Variants in RALGPS2 observed in about 807,000 individuals in gnomAD.
The protein encoded by RALGPS2 is Ral GEF with PH domain and SH3 binding motif 2, also known as ras-specific guanine nucleotide-releasing factor RalGPS2.
Under a neutral mutation model 86.8 loss-of-function variants are expected in RALGPS2, and 43 were observed. The ratio of observed to expected loss-of-function variants is 0.50; its 90% confidence interval spans 0.39 to 0.64. The LOEUF (loss-of-function observed/expected upper bound fraction) is 0.64, where lower values mean the gene tolerates loss of function less well. Among genes scored for constraint, RALGPS2 ranks in the 30% least tolerant of loss-of-function variants. The pLI, the probability that RALGPS2 is intolerant of heterozygous loss-of-function variation, is 0.00. For missense variants in RALGPS2, 536 were observed against 694.6 expected (o/e 0.77, Z 2.57); for synonymous variants, 243 against 231.3 (o/e 1.05, Z -0.46).
At chr1:178,915,033 TAGTG>T (rs1660758940) in intron 19 of RALGPS2, among the ~76,000 whole-genome samples, 4 of 151,950 alleles carry the variant, frequency 2.6e-5, no homozygotes, top group African/African-American at 9.6e-5. Flanking sequence ...TTTACTGTAT[TAGTG>T]AGTATTTCTG....
chr1:178,821,795 T>A, intron 7 of RALGPS2, 91 bp downstream of exon 7: 1 of 993,930 alleles, frequency 1.0e-6, no homozygotes, highest in East Asian at 2.6e-5. Flanking sequence ...TTAAAGTTAA[T>A]ATAATGATAA....
intron 7 of RALGPS2, among the ~76,000 whole-genome samples, chr1:178,827,382 A>G (rs1050048092): frequency 4.0e-5 from 6 of 150,764 alleles, no homozygotes; most frequent in Non-Finnish European, 8.8e-5. Flanking sequence ...TAGAGACATC[A>G]TACTCTCTGA....
Position 178,885,989 on chromosome 1 carries a change from C to G in RALGPS2, c.1061C>G (p.Thr354Arg). 1 of 1,601,316 alleles carries G rather than the reference C, an allele frequency of 6.2e-7. No homozygotes were observed. The change falls in exon 13 of 20, where the codon ACA becomes AGA. Residue 354 changes from threonine to arginine, a missense_variant. This residue lies in a region of RALGPS2 where 309 missense variants were observed against 363.0 expected (regional missense o/e 0.85). Transcript: ENST00000367635. ...TCTAGTTTCATTCATAAAATGAACA[C>G]AGCAGAATTTAAGAGTGCAACGTTT... The part of the protein sequence containing the change: ...LGYNFIHKMN[T>R]AEFKSATFPN...
At chr1:178,783,424 A>G (rs1401302023) in intron 2 of RALGPS2, among the ~76,000 whole-genome samples, 1 of 152,192 alleles carries the variant, frequency 6.6e-6, no homozygotes, top group Admixed American at 6.5e-5. Context: ...GAAAGACAAG[A>G]GAAAGAAGCA....
chr1:178,746,034 C>T (rs1318490057), intron 1 of RALGPS2, among the ~76,000 whole-genome samples: 1 of 151,856 alleles, frequency 6.6e-6, no homozygotes, highest in Non-Finnish European at 1.5e-5. Flanking sequence ...GTTGGCCAGG[C>T]TGGTCTCGAC....
intron 8 of RALGPS2, chr1:178,870,985 TA>T (rs1658722599): frequency 6.6e-6 from 1 of 152,232 alleles, no homozygotes; most frequent in Non-Finnish European, 1.5e-5. Context: ...GGGCCGTCTT[TA>T]ATCCAGCAGA....
Position 178,867,330 on chromosome 1 carries a change from A to G in RALGPS2, c.608-10168A>G, listed in dbSNP as rs1359327942. The stretch of plus-strand genomic sequence containing the variant: ...GTTAAGTACCTTATTATCAAGAGTC[A>G]CACAGGTTCATAGTGATGGAGCGAG... On this transcript the variant is annotated intron_variant, in intron 8 of 19. Coordinates refer to ENST00000367635, the MANE Select transcript of RALGPS2 (RefSeq NM_152663.5). Among the ~76,000 whole-genome samples, 6 of 152,124 alleles carry G rather than the reference A, an allele frequency of 3.9e-5. No individual in the cohort carries two copies. In the East Asian group the frequency reaches 5.8e-4, roughly 15 times the overall value.
In RALGPS2 at chr1:178,887,783, A is replaced by C. The variant is rs938882753; in HGVS notation, c.1192+1663A>C. On this transcript the variant is annotated intron_variant, in intron 13 of 19. Coordinates refer to ENST00000367635, the MANE Select transcript of RALGPS2 (RefSeq NM_152663.5). ...TGATAAAATGTTTTAAAAAGAAGGC[A>C]AGTTTGTCACCTGAAATACCTCTTA... 7.9e-5 allele frequency among the ~76,000 whole-genome samples: 12 copies of C among 152,190 alleles called. 1 individual carries two copies. The highest frequency in any genetic ancestry group is 2.6e-4 in the Admixed American group (4 of 15,274).
At chr1:178,849,457 A>G (rs1012079151) in intron 8 of RALGPS2, among the ~76,000 whole-genome samples, 1 of 152,196 alleles carries the variant, frequency 6.6e-6, no homozygotes, top group Admixed American at 6.5e-5. Flanking sequence ...TTTTAATGAT[A>G]TTCTTCTGTG....
At chr1:178,790,626 G>A (rs112938385) in intron 4 of RALGPS2, among the ~76,000 whole-genome samples, 1 of 152,062 alleles carries the variant, frequency 6.6e-6, no homozygotes, top group Admixed American at 6.5e-5. Context: ...TCTTGTCTTC[G>A]TAGCATGCTT....
At chr1:178,803,041 C>T (rs1249378481) in intron 4 of RALGPS2, among the ~76,000 whole-genome samples, 1 of 151,990 alleles carries the variant, frequency 6.6e-6, no homozygotes, top group African/African-American at 2.4e-5. Context: ...AACTATGTAC[C>T]TCATTTTGAT....
chr1:178,748,787 G>A (rs916054638), intron 1 of RALGPS2, among the ~76,000 whole-genome samples: 2 of 147,334 alleles, frequency 1.4e-5, no homozygotes, highest in Non-Finnish European at 3.0e-5. Context: ...GGAGGCGGAG[G>A]TTGCAGTGAG....
At chr1:178,822,706 C>T (rs1451616094) in intron 7 of RALGPS2, among the ~76,000 whole-genome samples, 1 of 151,598 alleles carries the variant, frequency 6.6e-6, no homozygotes, top group Non-Finnish European at 1.5e-5. Context: ...TTTAAAAATT[C>T]TTTTTAATAA....
At position 178,917,431 on chromosome 1, in the gene RALGPS2, CAT is replaced by C. The variant is rs1462475347; in HGVS notation, c.*1075_*1076del. On this transcript the variant is annotated 3_prime_UTR_variant, in exon 20 of 20. Transcript: ENST00000367635. ...TTTTGTTCAATATGAGATTCAGGAT[CAT>C]ATTTGTTTAAAAGGTAACACATAGA... 1.3e-5 allele frequency: 2 copies of C among 151,830 alleles called. No homozygotes were observed. The highest frequency in any genetic ancestry group is 2.9e-5 in the Non-Finnish European group (2 of 67,930). The allele number at this position is 151,830 out of a possible 1,614,324, so 9.4% of individuals were successfully genotyped here. A position where few individuals can be genotyped will look rare whatever the true frequency, so the allele number is the denominator to read the frequency against.
At chr1:178,814,428 GTC>G (rs761885056) in intron 6 of RALGPS2, among the ~76,000 whole-genome samples, 5 of 151,274 alleles carry the variant, frequency 3.3e-5, no homozygotes, top group Non-Finnish European at 3.0e-5. Flanking sequence ...AAATTACTGA[GTC>G]TCTCTCTCTC....
chr1:178,805,910 A>G (rs1412146322), intron 4 of RALGPS2, among the ~76,000 whole-genome samples: 1 of 152,020 alleles, frequency 6.6e-6, no homozygotes, highest in Admixed American at 6.6e-5. Context: ...AATGTACTGA[A>G]TGTCTCTTCT....
intron 17 of RALGPS2, among the ~76,000 whole-genome samples, chr1:178,897,999 C>G (rs1347151115): frequency 2.6e-5 from 4 of 151,890 alleles, no homozygotes; most frequent in Admixed American, 1.3e-4. Flanking sequence ...GTTTCCTGTT[C>G]AATATTGTTC....
intron 5 of RALGPS2, among the ~76,000 whole-genome samples, chr1:178,809,648 T>G (rs1359785250): frequency 6.6e-6 from 1 of 152,136 alleles, no homozygotes; most frequent in Non-Finnish European, 1.5e-5. Context: ...TCTGGGTCAG[T>G]GTTCTTAAAT....
intron 4 of RALGPS2, among the ~76,000 whole-genome samples, chr1:178,805,650 C>T (rs1263573757): frequency 1.3e-5 from 2 of 152,068 alleles, no homozygotes; most frequent in East Asian, 3.9e-4. Flanking sequence ...TAAATCCTTA[C>T]TTTTCCTTGA....
Sources: gnomAD v4.1 joint callset for allele counts (sites outside exome capture counted in the v4.1 genomes callset) on GRCh38, gnomAD v4.1.1 for gene constraint, gnomAD v4.1.1 regional missense constraint, MANE v1.5 for transcripts, NCBI Gene and HGNC (gene_info 2026-07-23, HGNC 2026-07-21) for gene names.